The following BRD3 variants were observed in gnomAD, a reference collection of about 807,000 sequenced individuals.
BRD3 encodes bromodomain containing 3, also known as bromodomain-containing protein 3.
Under a neutral mutation model 66.8 loss-of-function variants are expected in BRD3, and 17 were observed. The ratio of observed to expected loss-of-function variants is 0.25; its 90% CI spans 0.17 to 0.38. The LOEUF (loss-of-function observed/expected upper bound fraction) is 0.38. BRD3 is among the 10% of genes least tolerant of loss of function. The pLI is 1.00. For synonymous variants in BRD3, 421 were observed against 393.2 expected, an observed-to-expected ratio of 1.07 and a Z score of -0.84; for missense variants, 713 against 956.1, an observed-to-expected ratio of 0.75 and a Z score of 3.35.
rs1046808145 is a variant in BRD3, at chr9:134,033,375, G to T, written c.*215C>A. ...TGACTGAATTCAGTGATGAAGAAGA[G>T]ACTTTCTGCAGAGTTCACACCTTCT... On this transcript the variant is annotated 3_prime_UTR_variant, in exon 12 of 12. Coordinates refer to ENST00000303407, the MANE Select transcript of BRD3 (RefSeq NM_007371.4). This position sits in a 1 kb window ranked among gnomAD's most constrained non-coding sequence, Gnocchi z 5.1. 2 of 462,706 alleles carry T rather than the reference G, an allele frequency of 4.3e-6. No individual in the cohort carries two copies. Among genetic ancestry groups the T allele is most frequent in the South Asian group, 4.4e-5 (1 of 22,718 alleles). 28.7% of individuals were successfully genotyped at this position (462,706 alleles called of 1,614,324 possible).
rs199548885 is a variant in BRD3, at chr9:134,048,410, C to T, written c.759G>A (p.Thr253=). ...CACTCCGGCTGGCAGTGATGGCCGA[C>T]GTCGTGGGAGTGGTTGTGTCTGCTT... is the stretch of plus-strand genomic sequence containing the variant. ...KRKADTTTPT[T]SAITASRSES... The change falls in exon 6 of 12, where the codon ACG becomes ACA. Residue 253 remains threonine, a synonymous_variant. Coordinates refer to ENST00000303407, the MANE Select transcript of BRD3 (RefSeq NM_007371.4). The T allele has an allele frequency of 1.4e-5, 22 of 1,598,550 alleles. No individual in the cohort carries two copies. The South Asian group carries it at 1.5e-4, about 11-fold the overall frequency.
In BRD3 at chr9:134,050,672, C is replaced by G. The variant is rs971440744; in HGVS notation, c.500-84G>C. 117 of 1,147,896 alleles carry G rather than the reference C, an allele frequency of 1.0e-4. 1 individual carries two copies. Among genetic ancestry groups the G allele is most frequent in the Middle Eastern group, 8.1e-4 (4 of 4,966 alleles). 71.1% of individuals were successfully genotyped at this position (1,147,896 alleles called of 1,614,324 possible). On this transcript the variant is annotated intron_variant, in intron 4 of 11. Transcript: ENST00000303407. ...TCCAGTGCCACCCCTCCAGCCAGAA[C>G]ACGGGTACCAGCTCTGTGCTGCCAA...
rs1414975507 is a variant in BRD3 at position 134,052,455 on chromosome 9, A to G, written c.214-12T>C. 6.3e-7 allele frequency: 1 copy of G among 1,594,704 alleles called. No homozygotes were observed. The highest frequency in any genetic ancestry group is 1.7e-5 in the Admixed American group (1 of 58,128). On this transcript the variant is annotated splice_polypyrimidine_tract_variant and intron_variant, in intron 2 of 11. Transcript: ENST00000303407. ...ATTTTATGATAATCCTAGGAAAGAG[A>G]TTTTCAGAGGCATTACCAGAAGATT...
At chr9:134,058,765 G>C (rs1830477704) in intron 1 of BRD3, 1 of 152,428 alleles carries the variant, frequency 6.6e-6, no homozygotes, top group South Asian at 2.1e-4. Flanking sequence ...TGTAAAGGGG[G>C]GCCAGATTTT....
intron 3 of BRD3, 120 bp downstream of exon 3, chr9:134,052,186 C>T: frequency 7.5e-7 from 1 of 1,328,330 alleles, no homozygotes; most frequent in East Asian, 2.4e-5. Flanking sequence ...AGCCACGGCA[C>T]CCAGCCAGGT....
At chr9:134,063,399 G>A (rs1192991638) in intron 1 of BRD3, among the ~76,000 whole-genome samples, 1 of 152,168 alleles carries the variant, frequency 6.6e-6, no homozygotes, top group Non-Finnish European at 1.5e-5. Context: ...AGATGGGGGC[G>A]GGTGGCACCC....
chr9:134,033,022 C>T lies in BRD3; in HGVS notation c.*568G>A, dbSNP rs1303282487. 6 of 397,854 alleles carry T rather than the reference C, an allele frequency of 1.5e-5. 1 individual carries two copies. The highest frequency in any genetic ancestry group is 7.1e-5 in the East Asian group (2 of 28,066). 24.6% of individuals were successfully genotyped at this position (397,854 alleles called of 1,614,324 possible). On this transcript the variant is annotated 3_prime_UTR_variant, in exon 12 of 12. Transcript: ENST00000303407. The surrounding 1 kb of genome is among the most constrained non-coding windows in gnomAD (Gnocchi z 5.1). ...ACCACCCCCCAAGGGCTCCACGCTC[C>T]GGGCTGGGGCTGCGATGACCCTTCG... is the stretch of plus-strand genomic sequence containing the variant.
chr9:134,047,948 A>G, intron 6 of BRD3, 135 bp downstream of exon 6: 1 of 1,276,744 alleles, frequency 7.8e-7, no homozygotes, highest in African/African-American at 1.5e-5. Flanking sequence ...TGCGGGGGCC[A>G]GCCTGGAGGG....
intron 7 of BRD3, among the ~76,000 whole-genome samples, chr9:134,042,792 T>TACAC (rs58646444): frequency 1.4e-5 from 2 of 147,806 alleles, no homozygotes; most frequent in African/African-American, 2.6e-5. Context: ...TACACAAATA[T>TACAC]ACACACACAC....
chr9:134,067,482 G>C (rs1039352299), intron 1 of BRD3, among the ~76,000 whole-genome samples: 5 of 148,664 alleles, frequency 3.4e-5, no homozygotes, highest in Admixed American at 6.7e-5. Context: ...GGCCGGGGCC[G>C]CCGCGCGCAC....
chr9:134,059,152 G>C lies in BRD3; in HGVS notation c.-113-5562C>G, dbSNP rs1338103258. Among the ~76,000 whole-genome samples the C allele has an allele frequency of 2.6e-5, 4 of 152,266 alleles. No homozygotes were observed. The South Asian group carries it at 6.2e-4, about 24-fold the overall frequency. On this transcript the variant is annotated intron_variant, in intron 1 of 11. Coordinates refer to ENST00000303407, the MANE Select transcript of BRD3 (RefSeq NM_007371.4). ...TGTCTGGAATCTGCTTCATGATAAT[G>C]TGGGGGGTGAAAATGAGTGGGGTCT...
rs114525584 is a variant in BRD3, at chr9:134,039,997, G to A, written c.1643+37C>T. On this transcript the variant is annotated intron_variant, in intron 9 of 11. Coordinates refer to ENST00000303407, the MANE Select transcript of BRD3 (RefSeq NM_007371.4). ...CATGAGCCCCCATGGCGTGCTGAGCGCTGGGCTCTTGGAGCCCGAGCAGGT... is the reference window on the plus strand; with the variant it reads ...CATGAGCCCCCATGGCGTGCTGAGCACTGGGCTCTTGGAGCCCGAGCAGGT... The A allele has an allele frequency of 6.5e-3, 10,088 of 1,559,500 alleles. 522 individuals are homozygous for A. The African/African-American group carries it at 0.11, about 17-fold the overall frequency.
At position 134,053,322 on chromosome 9, in the gene BRD3, T is replaced by C; in HGVS notation, c.156A>G (p.Lys52=). The part of the protein sequence containing the change: ...MQNVVVKTLW[K]HQFAWPFYQP... ...GGTAGAAGGGCCAGGCGAACTGGTG[T>C]TTCCAGAGCGTCTTCACCACCACAT... Residue 52 remains lysine, a synonymous_variant, in exon 2 of 12, where the codon AAA becomes AAG. Coordinates refer to ENST00000303407, the MANE Select transcript of BRD3 (RefSeq NM_007371.4). The C allele has an allele frequency of 6.2e-7, 1 of 1,613,638 alleles. No homozygotes were observed.
intron 11 of BRD3, 76 bp downstream of exon 11, chr9:134,034,625 G>C: frequency 6.4e-7 from 1 of 1,574,666 alleles, no homozygotes; most frequent in Non-Finnish European, 8.6e-7. Flanking sequence ...ACGTGGGCCT[G>C]CTCGATGCTC....
chr9:134,065,887 C>T (rs1204867239), intron 1 of BRD3, among the ~76,000 whole-genome samples: 2 of 152,106 alleles, frequency 1.3e-5, no homozygotes, highest in Non-Finnish European at 2.9e-5. Flanking sequence ...AAGGTAGCAC[C>T]GGCTGCAGCA....
chr9:134,059,032 G>C (rs1830484922), intron 1 of BRD3, among the ~76,000 whole-genome samples: 1 of 152,254 alleles, frequency 6.6e-6, no homozygotes, highest in African/African-American at 2.4e-5. Context: ...TCCGGAACCA[G>C]AGTTAGTATT....
intron 1 of BRD3, among the ~76,000 whole-genome samples, chr9:134,054,914 G>A (rs1051282977): frequency 2.0e-5 from 3 of 152,082 alleles, no homozygotes; most frequent in African/African-American, 7.2e-5. Context: ...CAAACTACAC[G>A]CAACACAGCT....
In BRD3 at chr9:134,053,281, A is replaced by G; in HGVS notation, c.197T>C (p.Ile66Thr). ...GCTACGCACCGGCAGGTTCAATTTG[A>G]TTGCGTCCACGGGCTGGTAGAAGGG... is the stretch of plus-strand genomic sequence containing the variant. ...AWPFYQPVDA[I>T]KLNLPDYHKI... Residue 66 changes from isoleucine (I) to threonine (T), a missense_variant, in exon 2 of 12, where the codon ATC becomes ACC. Physicochemically the swap from Ile to Thr is moderately conservative, Grantham distance 89. Transcript: ENST00000303407. 1 of 1,613,206 alleles carries G rather than the reference A, an allele frequency of 6.2e-7. No individual in the cohort carries two copies. The highest frequency in any genetic ancestry group is 8.5e-7 in the Non-Finnish European group (1 of 1,180,000).
At chr9:134,067,452 C>G (rs1206479882) in intron 1 of BRD3, among the ~76,000 whole-genome samples, 4 of 149,524 alleles carry the variant, frequency 2.7e-5, no homozygotes, top group Admixed American at 2.0e-4. Context: ...GAAAGTGGCC[C>G]CGCGGAGCGC....
Sources: allele counts gnomAD v4.1 joint callset (sites outside exome capture counted in the v4.1 genomes callset), GRCh38; gene constraint gnomAD v4.1.1; non-coding constraint Gnocchi (gnomAD v3.1); transcripts MANE v1.5; gene names NCBI Gene and HGNC (gene_info 2026-07-23, HGNC 2026-07-21).